SENP7: variants seen among roughly 807,000 people sequenced by gnomAD.
The protein encoded by SENP7 is SUMO specific peptidase 7.
Under a neutral mutation model 141.2 loss-of-function variants are expected in SENP7, and 64 were observed. The observed-to-expected ratio is 0.45, with a 90% CI of 0.37 to 0.56. The LOEUF (loss-of-function observed/expected upper bound fraction) is 0.56, where lower values mean the gene tolerates loss of function less well. SENP7 is among the 20% of genes least tolerant of loss of function. SENP7 has a pLI of 0.00. For synonymous variants in SENP7, 382 were observed against 426.4 expected, an observed-to-expected ratio of 0.90 and a Z score of 1.28; for missense variants, 1,025 against 1,212.2, an observed-to-expected ratio of 0.85 and a Z score of 2.29.
At chr3:101,473,769 T>C (rs1256345903) in intron 3 of SENP7, among the ~76,000 whole-genome samples, 3 of 152,226 alleles carry the variant, frequency 2.0e-5, no homozygotes, top group Non-Finnish European at 2.9e-5. Context: ...TTTGCTTTTG[T>C]CCCAATTGCT....
chr3:101,416,055 G>C (rs964784286), intron 5 of SENP7, among the ~76,000 whole-genome samples: 1 of 152,108 alleles, frequency 6.6e-6, no homozygotes, highest in African/African-American at 2.4e-5. Context: ...CAATCACTCA[G>C]ATAGAGGGGA....
At chr3:101,373,501 C>T (rs2060235901) in intron 6 of SENP7, among the ~76,000 whole-genome samples, 1 of 152,058 alleles carries the variant, frequency 6.6e-6, no homozygotes, top group Non-Finnish European at 1.5e-5. Flanking sequence ...ACTTATGTTT[C>T]CCCTGATATA....
At chr3:101,410,858 A>AATAAAATAAAATAAAATAAAATAAG (rs2061437371) in intron 5 of SENP7, among the ~76,000 whole-genome samples, 1 of 150,344 alleles carries the variant, frequency 6.7e-6, no homozygotes, top group South Asian at 2.1e-4. Context: ...AATAAAATAA[A>AATAAAATAAAATAAAATAAAATAAG]ATAAAATAAA....
chr3:101,385,519 C>G (rs746906971), intron 6 of SENP7, among the ~76,000 whole-genome samples: 7 of 152,200 alleles, frequency 4.6e-5, no homozygotes, highest in African/African-American at 1.7e-4. Context: ...AAACTTAGGG[C>G]CTCTCCTGCA....
At position 101,340,114 on chromosome 3, in the gene SENP7, T is replaced by C. The variant is rs771937155; in HGVS notation, c.2338A>G (p.Ile780Val). 1.3e-6 allele frequency: 2 copies of C among 1,591,460 alleles called. No individual in the cohort carries two copies. Among genetic ancestry groups the C allele is most frequent in the South Asian group, 1.2e-5 (1 of 86,038 alleles). The change falls in exon 16 of 24, where the codon ATC becomes GTC. Residue 780 changes from isoleucine (I) to valine (V), a missense_variant. Ile to Val is a conservative substitution (Grantham distance 29). Transcript: ENST00000394095. ...ACTTACTTAAGGTAAAAATCAATGA[T>C]TACATCATTAAGAAACTCTCCTTCT... ...LEEGEFLNDVIIDFYLKYLIL... is the reference protein window; with the variant it reads ...LEEGEFLNDVVIDFYLKYLIL...
At chr3:101,345,904 A>G (rs189381385) in intron 13 of SENP7, among the ~76,000 whole-genome samples, 1 of 152,344 alleles carries the variant, frequency 6.6e-6, no homozygotes, top group Non-Finnish European at 1.5e-5. Flanking sequence ...CAACCAAAAC[A>G]ACAATAAATA....
intron 6 of SENP7, among the ~76,000 whole-genome samples, chr3:101,380,069 G>A (rs539027583): frequency 6.6e-6 from 1 of 152,288 alleles, no homozygotes; most frequent in East Asian, 1.9e-4. Context: ...AAGTCAGTTA[G>A]CAAAGGACAA....
intron 11 of SENP7, chr3:101,358,258 CA>C: frequency 9.4e-7 from 1 of 1,060,526 alleles, no homozygotes; most frequent in Non-Finnish European, 1.3e-6. Context: ...AGAAACCTTA[CA>C]AATGTGAAGA....
chr3:101,513,212 GGA>G (rs1559934629), upstream of SENP7: 6,830 of 135,696 alleles, frequency 0.05, 1,214 homozygotes, highest in East Asian at 0.11. Flanking sequence ...GGAGGGGAAA[GGA>G]AAAAAAAAAA....
chr3:101,357,648 A>C (rs549457442), intron 11 of SENP7: 109 of 778,434 alleles, frequency 1.4e-4, no homozygotes, highest in Middle Eastern at 9.6e-4. Context: ...AATGGACTTA[A>C]CCAATGTTTG....
intron 3 of SENP7, among the ~76,000 whole-genome samples, chr3:101,473,579 G>A (rs964437492): frequency 6.6e-6 from 1 of 151,874 alleles, no homozygotes; most frequent in African/African-American, 2.4e-5. Flanking sequence ...ACTTTATAAT[G>A]GGGTTGTTTT....
intron 13 of SENP7, among the ~76,000 whole-genome samples, chr3:101,344,960 A>G (rs1026625850): frequency 6.8e-6 from 1 of 146,638 alleles, no homozygotes; most frequent in Admixed American, 6.9e-5. Flanking sequence ...TGAGGAACAT[A>G]TCGAGAGCCC....
rs2065698068 is a variant in SENP7 at position 101,508,051 on chromosome 3, A to AC, written c.40+5039_40+5040insG. Reference sequence around the variant, plus strand: ...CGACAGAGCGAGACTCCATCTCAAAAAAAAAAAAAAAAAAAAAAATTGGAT... The same window carrying AC: ...CGACAGAGCGAGACTCCATCTCAAAACAAAAAAAAAAAAAAAAAAATTGGAT... On this transcript the variant is annotated intron_variant, in intron 1 of 23. Transcript: ENST00000394095. Among the ~76,000 whole-genome samples the AC allele has an allele frequency of 3.3e-5, 5 of 149,662 alleles. 1 individual carries two copies. Among genetic ancestry groups the AC allele is most frequent in the Admixed American group, 6.7e-5 (1 of 14,890 alleles).
chr3:101,437,204 AT>A (rs1226650112), intron 4 of SENP7, among the ~76,000 whole-genome samples: 2 of 152,320 alleles, frequency 1.3e-5, no homozygotes, highest in East Asian at 3.9e-4. Context: ...GAGTAGAAGG[AT>A]GGTTACCAAA....
intron 6 of SENP7, among the ~76,000 whole-genome samples, chr3:101,374,748 G>A (rs1270788818): frequency 6.7e-6 from 1 of 149,354 alleles, no homozygotes; most frequent in Non-Finnish European, 1.5e-5. Flanking sequence ...CTCCAGCCTG[G>A]GCAATAGAAT....
At chr3:101,368,133 T>A in intron 7 of SENP7, 122 bp from the exon 8 acceptor site, 1 of 693,148 alleles carries the variant, frequency 1.4e-6, no homozygotes. Flanking sequence ...AAAACAGAAA[T>A]GTACTGTTAA....
At chr3:101,336,882 G>A (rs1295409218) in intron 17 of SENP7, among the ~76,000 whole-genome samples, 3 of 152,044 alleles carry the variant, frequency 2.0e-5, no homozygotes, top group Admixed American at 2.0e-4. Flanking sequence ...AAACAAATAG[G>A]GTATTTCGTA....
At chr3:101,480,522 A>C (rs1249505913) in intron 3 of SENP7, among the ~76,000 whole-genome samples, 1 of 152,184 alleles carries the variant, frequency 6.6e-6, no homozygotes, top group Non-Finnish European at 1.5e-5. Context: ...AAATCAACTT[A>C]AGATGGATTG....
intron 12 of SENP7, 150 bp from the exon 13 acceptor site, chr3:101,348,201 C>T: frequency 2.1e-6 from 1 of 477,436 alleles, no homozygotes; most frequent in Non-Finnish European, 3.5e-6. Flanking sequence ...GTGCACTTTG[C>T]TAACCTTAGC....
Sources: allele counts gnomAD v4.1 joint callset (sites outside exome capture counted in the v4.1 genomes callset), GRCh38; gene constraint gnomAD v4.1.1; transcripts MANE v1.5; gene names NCBI Gene and HGNC (gene_info 2026-07-23, HGNC 2026-07-21).